The following ARHGAP31 variants were observed in gnomAD, a reference collection of about 807,000 sequenced individuals.
ARHGAP31 encodes the protein rho GTPase-activating protein 31.
A neutral mutation model predicts 113.9 loss-of-function variants in ARHGAP31; 34 were observed. That is an observed-to-expected ratio of 0.30 (90% CI 0.23 to 0.40). The LOEUF (loss-of-function observed/expected upper bound fraction) is 0.40, where lower values mean the gene tolerates loss of function less well. Among genes scored for constraint, ARHGAP31 ranks in the 10% least tolerant of loss-of-function variants. The pLI is 1.00. For synonymous variants in ARHGAP31, 650 were observed against 684.8 expected, an observed-to-expected ratio of 0.95 and a Z score of 0.79; for missense variants, 1,548 against 1,767.1, an observed-to-expected ratio of 0.88 and a Z score of 2.22.
rs1297280883 is a variant in ARHGAP31, at chr3:119,402,099, G to C, written c.1347G>C (p.Lys449Asn). The stretch of plus-strand genomic sequence containing the variant: ...CGGAGAGCGAGCAAACAGCCCCAAA[G>C]ATGTTGGGTATGTTCTACACTTCGA... ...EDPESEQTAP[K>N]MLGMFYTSND... Residue 449 changes from lysine to asparagine, a missense_variant, in exon 10 of 12, where the codon AAG becomes AAC. Lys to Asn is a moderately conservative substitution (Grantham distance 94). Transcript: ENST00000264245. 6.2e-7 allele frequency: 1 copy of C among 1,614,136 alleles called. No individual in the cohort carries two copies. The highest frequency in any genetic ancestry group is 2.2e-5 in the East Asian group (1 of 44,904).
At chr3:119,390,291 A>G (rs529615776) in intron 6 of ARHGAP31, among the ~76,000 whole-genome samples, 2 of 152,354 alleles carry the variant, frequency 1.3e-5, no homozygotes, top group East Asian at 1.9e-4. Context: ...GATGATCTGA[A>G]AAGTAGAGGT....
chr3:119,378,043 C>T (rs1054832614), intron 3 of ARHGAP31, among the ~76,000 whole-genome samples: 2 of 152,092 alleles, frequency 1.3e-5, no homozygotes, highest in African/African-American at 4.8e-5. Flanking sequence ...CCAGCCTCTG[C>T]CAGCGTCCTC....
intron 1 of ARHGAP31, among the ~76,000 whole-genome samples, chr3:119,300,665 C>G (rs373131772): frequency 7.2e-5 from 11 of 151,796 alleles, no homozygotes; most frequent in African/African-American, 2.4e-4. Context: ...CCCGTCTCTA[C>G]TAAAAATACA....
intron 7 of ARHGAP31, among the ~76,000 whole-genome samples, chr3:119,391,937 A>G (rs1359001121): frequency 1.3e-5 from 2 of 152,040 alleles, no homozygotes; most frequent in Non-Finnish European, 2.9e-5. Context: ...CCTGGAGAAT[A>G]AGTCTCATTT....
intron 6 of ARHGAP31, among the ~76,000 whole-genome samples, chr3:119,384,983 G>A (rs1361281197): frequency 6.7e-6 from 1 of 150,096 alleles, no homozygotes; most frequent in East Asian, 1.9e-4. Flanking sequence ...GGAGTGCAGT[G>A]GCGTGATCTT....
intron 1 of ARHGAP31, among the ~76,000 whole-genome samples, chr3:119,356,632 A>G (rs369588261): frequency 2.0e-5 from 3 of 148,784 alleles, no homozygotes; most frequent in African/African-American, 7.5e-5. Context: ...CTCTGTCTCA[A>G]AAAAAAAAAG....
At chr3:119,336,003 T>C (rs1254847993) in intron 1 of ARHGAP31, among the ~76,000 whole-genome samples, 1 of 152,026 alleles carries the variant, frequency 6.6e-6, no homozygotes, top group Non-Finnish European at 1.5e-5. Context: ...TGAAATCCCC[T>C]CTCTACTAAA....
At chr3:119,404,100 T>C (rs77689513) in intron 10 of ARHGAP31, among the ~76,000 whole-genome samples, 5,121 of 151,958 alleles carry the variant, frequency 0.034, 267 homozygotes, top group African/African-American at 0.11. Flanking sequence ...CATGGGCTGG[T>C]GTGGGTCATG....
At position 119,414,426 on chromosome 3, in the gene ARHGAP31, C is replaced by T. The variant is rs201970872; in HGVS notation, c.2497C>T (p.Leu833Phe). ...KSQDSPEISS[L>F]CQGEEATPRH... ...CCAAGACAGCCCTGAGATCTCTAGC[C>T]TCTGTCAGGGAGAGGAGGCAACCCC... Residue 833 changes from leucine (L) to phenylalanine (F), a missense_variant, in exon 12 of 12, where the codon CTC becomes TTC. Coordinates refer to ENST00000264245, the MANE Select transcript of ARHGAP31 (RefSeq NM_020754.4). 442 of 1,614,122 alleles carry T rather than the reference C, an allele frequency of 2.7e-4. No homozygotes were observed. Among genetic ancestry groups the T allele is most frequent in the Non-Finnish European group, 3.5e-4 (414 of 1,180,058 alleles).
At chr3:119,345,140 A>G (rs1173424553) in intron 1 of ARHGAP31, among the ~76,000 whole-genome samples, 1 of 151,992 alleles carries the variant, frequency 6.6e-6, no homozygotes, top group Non-Finnish European at 1.5e-5. Flanking sequence ...GCCTGCCACC[A>G]TGCCCGGCTA....
chr3:119,392,611 C>T (rs923332934), intron 7 of ARHGAP31, among the ~76,000 whole-genome samples: 1 of 152,206 alleles, frequency 6.6e-6, no homozygotes, highest in Non-Finnish European at 1.5e-5. Flanking sequence ...GGCAAGGCCT[C>T]CATGGTGACC....
intron 1 of ARHGAP31, among the ~76,000 whole-genome samples, chr3:119,358,947 CACTT>C (rs2080181940): frequency 1.3e-5 from 2 of 152,002 alleles, no homozygotes; most frequent in East Asian, 3.9e-4. Context: ...CACTAAAAAT[CACTT>C]AGTCGTACAC....
At chr3:119,391,876 T>C (rs1253358694) in intron 7 of ARHGAP31, among the ~76,000 whole-genome samples, 3 of 152,118 alleles carry the variant, frequency 2.0e-5, no homozygotes, top group South Asian at 2.1e-4. Flanking sequence ...CTGGAAAATA[T>C]ATGGATCGTG....
At chr3:119,353,353 C>G (rs1207193193) in intron 1 of ARHGAP31, among the ~76,000 whole-genome samples, 1 of 152,190 alleles carries the variant, frequency 6.6e-6, no homozygotes, top group Non-Finnish European at 1.5e-5. Flanking sequence ...AATTTTTGTG[C>G]CTGTCTAGGG....
chr3:119,307,950 A>AAAAAAAAAAAAAAAAAAAAAAAAAT, intron 1 of ARHGAP31, among the ~76,000 whole-genome samples: 1 of 148,356 alleles, frequency 6.7e-6, no homozygotes, highest in Non-Finnish European at 1.5e-5. Flanking sequence ...CAAAAAAAAA[A>AAAAAAAAAAAAAAAAAAAAAAAAAT]AAAAAAAAAA....
intron 6 of ARHGAP31, 95 bp from the exon 7 acceptor site, chr3:119,390,690 A>G (rs1380876594): frequency 5.8e-6 from 8 of 1,369,906 alleles, no homozygotes; most frequent in East Asian, 2.4e-5. Flanking sequence ...AGCCCCCATC[A>G]TAGGATCAAG....
intron 1 of ARHGAP31, among the ~76,000 whole-genome samples, chr3:119,310,652 A>C (rs556872363): frequency 2.6e-5 from 4 of 152,218 alleles, no homozygotes; most frequent in Admixed American, 6.5e-5. Flanking sequence ...GAGATGGAAC[A>C]GTTTTATCCC....
At chr3:119,325,617 T>A (rs1429533799) in intron 1 of ARHGAP31, among the ~76,000 whole-genome samples, 1 of 144,920 alleles carries the variant, frequency 6.9e-6, no homozygotes, top group Non-Finnish European at 1.5e-5. Flanking sequence ...TTCTCCTAGT[T>A]CTGTATACCC....
intron 1 of ARHGAP31, among the ~76,000 whole-genome samples, chr3:119,312,955 T>C (rs2079695782): frequency 6.6e-6 from 1 of 152,254 alleles, no homozygotes; most frequent in African/African-American, 2.4e-5. Context: ...TGATATTCTT[T>C]GTTCTTTTCC....
Sources: allele counts gnomAD v4.1 joint callset (sites outside exome capture counted in the v4.1 genomes callset), GRCh38; gene constraint gnomAD v4.1.1; transcripts MANE v1.5; gene names NCBI Gene and HGNC (gene_info 2026-07-23, HGNC 2026-07-21).